SPECC1L: variants seen among roughly 807,000 people sequenced by gnomAD.
The protein encoded by SPECC1L is cytospin-A.
Under a neutral mutation model 116.8 loss-of-function variants are expected in SPECC1L, and 40 were observed. That is an observed-to-expected ratio of 0.34 (90% CI 0.27 to 0.45). The LOEUF (loss-of-function observed/expected upper bound fraction) is 0.45, where lower values mean the gene tolerates loss of function less well. Among genes scored for constraint, SPECC1L ranks in the 20% least tolerant of loss-of-function variants. The probability of loss-of-function intolerance (pLI) is 1.00; values close to 1 mark genes in which losing one functional copy is unlikely to be tolerated. For missense variants in SPECC1L, 1,110 were observed against 1,373.6 expected (o/e 0.81, Z 3.03); for synonymous variants, 504 against 500.6 (o/e 1.01, Z -0.09).
In SPECC1L at chr22:24,412,167, CCA is replaced by C. The variant is rs569669708; in HGVS notation, c.3204+464_3204+465del. ...TCCAGGGCATGGTTTAATGTTTCATCCAGATAGTTCCTTGGGGACAGGGTCAG... is the reference window on the plus strand; with the variant it reads ...TCCAGGGCATGGTTTAATGTTTCATCGATAGTTCCTTGGGGACAGGGTCAG... On this transcript the variant is annotated intron_variant, in intron 15 of 16. Transcript: ENST00000314328. The C allele has an allele frequency of 2.2e-3, 747 of 346,794 alleles. 2 individuals are homozygous for C. Among genetic ancestry groups the C allele is most frequent in the African/African-American group, 0.015 (698 of 47,106 alleles). 21.5% of individuals were successfully genotyped at this position (346,794 alleles called of 1,614,324 possible).
intron 2 of SPECC1L, among the ~76,000 whole-genome samples, chr22:24,277,903 C>G (rs1460303176): frequency 6.6e-6 from 1 of 152,222 alleles, no homozygotes. Flanking sequence ...AGGTGTATAT[C>G]TGGGAATTGA....
At chr22:24,393,664 T>C (rs6004146) in intron 14 of SPECC1L, among the ~76,000 whole-genome samples, 141,779 of 152,152 alleles carry the variant, frequency 0.93, 66,258 homozygotes, top group African/African-American at 0.98. Context: ...TTTTTAATAG[T>C]TGCATTGAGG....
intron 11 of SPECC1L, among the ~76,000 whole-genome samples, chr22:24,349,111 A>C (rs577649312): frequency 1.1e-4 from 16 of 151,976 alleles, no homozygotes; most frequent in Non-Finnish European, 2.4e-4. Context: ...CACGATATCA[A>C]CTTACTGCAA....
At chr22:24,345,972 G>T (rs1334688689) in intron 10 of SPECC1L, among the ~76,000 whole-genome samples, 1 of 151,946 alleles carries the variant, frequency 6.6e-6, no homozygotes, top group Non-Finnish European at 1.5e-5. Context: ...AGAGCTGAGG[G>T]GTTTTAAGTG....
At chr22:24,288,456 C>T (rs1254309250) in intron 2 of SPECC1L, among the ~76,000 whole-genome samples, 3 of 151,902 alleles carry the variant, frequency 2.0e-5, no homozygotes, top group Non-Finnish European at 2.9e-5. Context: ...ACTCACTAGA[C>T]ACAGGGAAAA....
intron 12 of SPECC1L, among the ~76,000 whole-genome samples, chr22:24,363,751 A>G (rs2041692096): frequency 6.6e-6 from 1 of 152,218 alleles, no homozygotes; most frequent in South Asian, 2.1e-4. Flanking sequence ...ACATAATTAT[A>G]AAATTATGCT....
At chr22:24,316,595 G>T (rs2040572439) in intron 4 of SPECC1L, among the ~76,000 whole-genome samples, 1 of 149,590 alleles carries the variant, frequency 6.7e-6, no homozygotes, top group South Asian at 2.2e-4. Context: ...AGGGTTGGGG[G>T]TAAGGTCACA....
intron 9 of SPECC1L, among the ~76,000 whole-genome samples, chr22:24,335,018 C>T (rs967392559): frequency 6.6e-6 from 1 of 152,188 alleles, no homozygotes; most frequent in African/African-American, 2.4e-5. Context: ...AGCCTTCTCC[C>T]CATGCATCAA....
rs1458717931 is a variant in SPECC1L at position 24,411,668 on chromosome 22, C to T, written c.3168C>T (p.Ala1056=). The stretch of plus-strand genomic sequence containing the variant: ...CCCTCCTGCATACATATCTCCCTGC[C>T]CACATTCCATATCAAGAACTGAACA... ...FCALLHTYLP[A]HIPYQELNSQ... Residue 1056 remains alanine, a synonymous_variant, in exon 15 of 17, where the codon GCC becomes GCT. Transcript: ENST00000314328. 1.2e-6 allele frequency: 2 copies of T among 1,613,984 alleles called. No individual in the cohort carries two copies. The highest frequency in any genetic ancestry group is 1.7e-6 in the Non-Finnish European group (2 of 1,180,042).
At chr22:24,405,159 T>C (rs2042560223) in intron 14 of SPECC1L, among the ~76,000 whole-genome samples, 2 of 152,240 alleles carry the variant, frequency 1.3e-5, no homozygotes, top group Non-Finnish European at 2.9e-5. Flanking sequence ...AAACAAGTTA[T>C]TGTAGAGCAT....
intron 16 of SPECC1L, among the ~76,000 whole-genome samples, 155 bp downstream of exon 16, chr22:24,412,862 C>T (rs2042727018): frequency 6.6e-6 from 1 of 152,074 alleles, no homozygotes; most frequent in Admixed American, 6.6e-5. Flanking sequence ...AGGGTCCCGT[C>T]AAGGGTGGGT....
intron 14 of SPECC1L, among the ~76,000 whole-genome samples, chr22:24,408,792 G>A (rs1020256222): frequency 2.0e-5 from 3 of 152,246 alleles, no homozygotes; most frequent in African/African-American, 7.2e-5. Flanking sequence ...ACACTGGAAC[G>A]TTCTGGGCAC....
chr22:24,394,042 G>A (rs1297558322), intron 14 of SPECC1L, among the ~76,000 whole-genome samples: 1 of 152,106 alleles, frequency 6.6e-6, no homozygotes, highest in Non-Finnish European at 1.5e-5. Context: ...CTGAGTGTTA[G>A]TCCATTTTTT....
In SPECC1L at chr22:24,383,792, A is replaced by ATTTTTTT. The variant is rs538972717; in HGVS notation, c.3087+14506_3087+14512dup. ...GCTGGGATTACAGGCACCCACCACT[A>ATTTTTTT]TTTTTTTTTTTTTTTTTTTTTTTTT... On this transcript the variant is annotated intron_variant, in intron 14 of 16. Transcript: ENST00000314328. 6.6e-4 allele frequency among the ~76,000 whole-genome samples: 51 copies of ATTTTTTT among 77,324 alleles called. 5 individuals are homozygous for ATTTTTTT. Among genetic ancestry groups the ATTTTTTT allele is most frequent in the African/African-American group, 8.5e-4 (13 of 15,330 alleles). The allele number at this position is 77,324 out of a possible 152,430, so 50.7% of individuals were successfully genotyped here.
At chr22:24,399,029 C>T (rs56110201) in intron 14 of SPECC1L, among the ~76,000 whole-genome samples, 2,973 of 152,328 alleles carry the variant, frequency 0.02, 52 homozygotes, top group African/African-American at 0.042. Flanking sequence ...TAAAACTGCT[C>T]ACAACATGCT....
chr22:24,342,404 C>T (rs2041194796), intron 10 of SPECC1L, among the ~76,000 whole-genome samples: 1 of 152,184 alleles, frequency 6.6e-6, no homozygotes, highest in Non-Finnish European at 1.5e-5. Flanking sequence ...GGTATGGTGA[C>T]TCACGCCTGT....
Position 24,338,394 on chromosome 22 carries a change from C to G in SPECC1L, c.2569C>G (p.Pro857Ala), listed in dbSNP as rs756903482. The G allele has an allele frequency of 2.5e-6, 4 of 1,613,996 alleles. No individual in the cohort carries two copies. The South Asian group carries it at 4.4e-5, about 18-fold the overall frequency. The change falls in exon 10 of 17, where the codon CCT becomes GCT. Residue 857 changes from proline (P) to alanine (A), a missense_variant. By Grantham distance (27) the Pro-to-Ala change is conservative. Coordinates refer to ENST00000314328, the MANE Select transcript of SPECC1L (RefSeq NM_015330.6). ...SFDSASQVPNPAAAAIPRTPL... is the reference protein window; with the variant it reads ...SFDSASQVPNAAAAAIPRTPL... ...GTTTGTTGTTTTTGTAGTACCAAACCCTGCTGCAGCTGCAATTCCTCGAAC... is the reference window on the plus strand; with the variant it reads ...GTTTGTTGTTTTTGTAGTACCAAACGCTGCTGCAGCTGCAATTCCTCGAAC...
chr22:24,369,629 G>A (rs754771018), intron 14 of SPECC1L, among the ~76,000 whole-genome samples: 1 of 152,142 alleles, frequency 6.6e-6, no homozygotes, highest in African/African-American at 2.4e-5. Context: ...AGCCTGGGAG[G>A]CAGAGGCTGC....
intron 4 of SPECC1L, among the ~76,000 whole-genome samples, chr22:24,317,376 A>G (rs2040606526): frequency 9.6e-6 from 1 of 103,992 alleles, no homozygotes; most frequent in African/African-American, 3.5e-5. Flanking sequence ...CTCACTTCCC[A>G]GTAGGGGCGG....
Sources: allele counts gnomAD v4.1 joint callset (sites outside exome capture counted in the v4.1 genomes callset), GRCh38; gene constraint gnomAD v4.1.1; transcripts MANE v1.5; gene names NCBI Gene and HGNC (gene_info 2026-07-23, HGNC 2026-07-21).